NRG3: variants seen among roughly 807,000 people sequenced by gnomAD.
NRG3 encodes the protein pro-neuregulin-3, membrane-bound isoform.
Under a neutral mutation model 66.9 loss-of-function variants are expected in NRG3, and 31 were observed. That is an observed-to-expected ratio of 0.46 (90% CI 0.35 to 0.63). NRG3 has a LOEUF of 0.63. Ranked by LOEUF, NRG3 falls within the 20% of genes least tolerant of loss-of-function variation. NRG3 has a pLI of 0.00. For missense variants in NRG3, 910 were observed against 878.9 expected, an observed-to-expected ratio of 1.04 and a Z score of -0.45; for synonymous variants, 393 against 359.4, an observed-to-expected ratio of 1.09 and a Z score of -1.06.
At chr10:82,052,196 A>T (rs556844099) in intron 1 of NRG3, among the ~76,000 whole-genome samples, 1 of 152,270 alleles carries the variant, frequency 6.6e-6, no homozygotes, top group Admixed American at 6.5e-5. Flanking sequence ...AAAAAAAGAA[A>T]TGCATGTAGT....
In NRG3 at chr10:82,803,230, G is replaced by A. The variant is rs543823618; in HGVS notation, c.1028-62181G>A. ...TGCAGACCATTCAAGGGATTCGGTT[G>A]TAGTATGACAGGGGCAGTAGAAAAC... On this transcript the variant is annotated intron_variant, in intron 3 of 8. Transcript: ENST00000372141. Among the ~76,000 whole-genome samples, 5 of 152,308 alleles carry A rather than the reference G, an allele frequency of 3.3e-5. No individual in the cohort carries two copies. The South Asian group carries it at 1.0e-3, about 32-fold the overall frequency.
chr10:81,986,612 A>G (rs1174664150), intron 1 of NRG3, among the ~76,000 whole-genome samples: 1 of 152,226 alleles, frequency 6.6e-6, no homozygotes, highest in Non-Finnish European at 1.5e-5. Flanking sequence ...AGGTTATTGT[A>G]CTTACCATGT....
At chr10:82,027,685 T>A (rs1210116584) in intron 1 of NRG3, among the ~76,000 whole-genome samples, 3 of 152,110 alleles carry the variant, frequency 2.0e-5, no homozygotes, top group Non-Finnish European at 2.9e-5. Context: ...GGTCTTGCCA[T>A]CAGGTTGAAC....
chr10:82,859,503 G>A (rs576517470), intron 3 of NRG3, among the ~76,000 whole-genome samples: 2 of 152,144 alleles, frequency 1.3e-5, no homozygotes, highest in Non-Finnish European at 2.9e-5. Flanking sequence ...TCAAGGCAAC[G>A]ATGTTTTCGC....
chr10:82,086,998 T>C (rs1425639646), intron 1 of NRG3, among the ~76,000 whole-genome samples: 3 of 152,120 alleles, frequency 2.0e-5, no homozygotes, highest in African/African-American at 7.2e-5. Flanking sequence ...GGCTATCAAT[T>C]TGAGTCCTCT....
intron 2 of NRG3, among the ~76,000 whole-genome samples, chr10:82,382,923 A>G (rs2085715534): frequency 6.6e-6 from 1 of 151,984 alleles, no homozygotes; most frequent in African/African-American, 2.4e-5. Context: ...CCTACTGCTT[A>G]ATTGCAACCT....
chr10:82,271,881 A>G (rs1417981525), intron 1 of NRG3, among the ~76,000 whole-genome samples: 3 of 152,042 alleles, frequency 2.0e-5, no homozygotes, highest in Non-Finnish European at 4.4e-5. Context: ...ATACCTTGAA[A>G]CACATGGGTT....
intron 2 of NRG3, among the ~76,000 whole-genome samples, chr10:82,517,652 TG>T: frequency 8.0e-6 from 1 of 124,562 alleles, no homozygotes; most frequent in South Asian, 2.5e-4. Context: ...TGTTTGTGTG[TG>T]TGTGTGTGTG....
At chr10:82,552,185 T>C (rs1267105285) in intron 2 of NRG3, among the ~76,000 whole-genome samples, 2 of 152,170 alleles carry the variant, frequency 1.3e-5, no homozygotes, top group African/African-American at 4.8e-5. Flanking sequence ...ACATATTAGT[T>C]GAAATAATTC....
At position 82,914,740 on chromosome 10, in the gene NRG3, G is replaced by T. The variant is rs149368360; in HGVS notation, c.1055-36729G>T. ...CCCCAGAGGTGGGTCCTTCACAAGT[G>T]ATTTTTAGCTTTTTTTTTTTTTCCC... On this transcript the variant is annotated intron_variant, in intron 4 of 8. Coordinates refer to ENST00000372141, the MANE Select transcript of NRG3 (RefSeq NM_001010848.4). Among the ~76,000 whole-genome samples the T allele has an allele frequency of 7.7e-3, 1,149 of 148,694 alleles. 19 individuals carry two copies. The highest frequency in any genetic ancestry group is 0.027 in the African/African-American group (1,109 of 40,762).
At chr10:81,991,617 A>G (rs1008668473) in intron 1 of NRG3, among the ~76,000 whole-genome samples, 4 of 152,196 alleles carry the variant, frequency 2.6e-5, no homozygotes, top group African/African-American at 4.8e-5. Context: ...TCTAAAATAT[A>G]AAAGCCTATT....
At chr10:82,429,356 T>G (rs2089651112) in intron 2 of NRG3, among the ~76,000 whole-genome samples, 2 of 152,192 alleles carry the variant, frequency 1.3e-5, no homozygotes, top group South Asian at 4.1e-4. Flanking sequence ...TTTATTTAGG[T>G]TGTAATTTTT....
chr10:82,157,015 G>A (rs1227159587), intron 1 of NRG3, among the ~76,000 whole-genome samples: 1 of 151,658 alleles, frequency 6.6e-6, no homozygotes, highest in Admixed American at 6.6e-5. Context: ...CCAGTCTGTA[G>A]TAATGATGGG....
chr10:82,636,223 A>ATGTG (rs373906092), intron 2 of NRG3, among the ~76,000 whole-genome samples: 15 of 51,238 alleles, frequency 2.9e-4, no homozygotes, highest in Non-Finnish European at 5.0e-4. Context: ...CTATCTACAT[A>ATGTG]TGTGTGTGTG....
chr10:82,097,758 T>C (rs2066447317), intron 1 of NRG3, among the ~76,000 whole-genome samples: 1 of 151,996 alleles, frequency 6.6e-6, no homozygotes, highest in South Asian at 2.1e-4. Flanking sequence ...CAGCATTTGG[T>C]AGTATCAGAT....
At chr10:82,012,936 GTCT>G (rs1564737030) in intron 1 of NRG3, among the ~76,000 whole-genome samples, 1 of 152,096 alleles carries the variant, frequency 6.6e-6, no homozygotes, top group African/African-American at 2.4e-5. Flanking sequence ...ACATTTTTCT[GTCT>G]TCTTCTGAGC....
At chr10:82,550,460 C>T (rs1196390669) in intron 2 of NRG3, among the ~76,000 whole-genome samples, 1 of 152,034 alleles carries the variant, frequency 6.6e-6, no homozygotes. Context: ...TTCCATTTCC[C>T]AATAGGACTC....
chr10:82,592,857 A>T (rs2047060899), intron 2 of NRG3, among the ~76,000 whole-genome samples: 1 of 152,218 alleles, frequency 6.6e-6, no homozygotes. Flanking sequence ...TTAAACCCAT[A>T]AAAGTGTTCT....
chr10:82,662,423 A>C (rs1026757960), intron 2 of NRG3, among the ~76,000 whole-genome samples: 5 of 152,114 alleles, frequency 3.3e-5, no homozygotes, highest in African/African-American at 1.2e-4. Flanking sequence ...AATTAATAGA[A>C]GGTCTGGGGT....
Sources: gnomAD v4.1 joint callset for allele counts (sites outside exome capture counted in the v4.1 genomes callset) on GRCh38, gnomAD v4.1.1 for gene constraint, MANE v1.5 for transcripts, NCBI Gene and HGNC (gene_info 2026-07-23, HGNC 2026-07-21) for gene names.